ARB2A: variants seen among roughly 807,000 people sequenced by gnomAD.
ARB2A encodes the protein cotranscriptional regulator ARB2A.
the ARB2A span, chr5:94,053,331 T>TA: frequency 2.2e-5 from 14 of 640,776 alleles, no homozygotes; most frequent in African/African-American, 2.6e-4. Flanking sequence ...TATTAATTTT[T>TA]ATGTGTTGCT....
At chr5:94,009,966 T>A in the ARB2A span, among the ~76,000 whole-genome samples, 12 of 151,988 alleles carry the variant, frequency 7.9e-5, no homozygotes, top group African/African-American at 2.6e-4. Context: ...GCTTTATCAA[T>A]TTTACTGATA....
At chr5:93,798,365 C>T in the ARB2A span, among the ~76,000 whole-genome samples, 1 of 152,098 alleles carries the variant, frequency 6.6e-6, no homozygotes, top group Non-Finnish European at 1.5e-5. Context: ...GCTGAATTTT[C>T]CAGTAATTCA....
chr5:93,984,340 C>T, the ARB2A span, among the ~76,000 whole-genome samples: 1 of 152,248 alleles, frequency 6.6e-6, no homozygotes, highest in African/African-American at 2.4e-5. Context: ...GACATTGCAT[C>T]TTTAGCCACA....
At chr5:94,028,123 T>G in the ARB2A span, among the ~76,000 whole-genome samples, 1 of 152,238 alleles carries the variant, frequency 6.6e-6, no homozygotes, top group Non-Finnish European at 1.5e-5. Context: ...CTTATTTTAT[T>G]GCAAGCTGTA....
chr5:94,043,765 A>C, the ARB2A span, among the ~76,000 whole-genome samples: 1 of 152,334 alleles, frequency 6.6e-6, no homozygotes, highest in African/African-American at 2.4e-5. Flanking sequence ...TGAGGGTACA[A>C]ATCCATGGCT....
the ARB2A span, among the ~76,000 whole-genome samples, chr5:93,742,480 C>T: frequency 6.6e-6 from 1 of 152,168 alleles, no homozygotes. Flanking sequence ...CCATCATGCC[C>T]CTAGCTCAGG....
At chr5:93,875,971 T>C in the ARB2A span, among the ~76,000 whole-genome samples, 2 of 152,206 alleles carry the variant, frequency 1.3e-5, no homozygotes, top group Non-Finnish European at 2.9e-5. Context: ...TGTACATATT[T>C]AGCCATTTGA....
chr5:93,682,822 G>A, the ARB2A span: 6 of 1,268,044 alleles, frequency 4.7e-6, no homozygotes, highest in Non-Finnish European at 5.7e-6. Context: ...TTAACAAATT[G>A]TTTAAACTAT....
At chr5:93,959,355 C>A in the ARB2A span, among the ~76,000 whole-genome samples, 2 of 151,946 alleles carry the variant, frequency 1.3e-5, no homozygotes, top group East Asian at 3.9e-4. Context: ...TTAGGTGGTA[C>A]TATTATTATA....
chr5:93,633,682 G>A, the ARB2A span, among the ~76,000 whole-genome samples: 2 of 152,010 alleles, frequency 1.3e-5, no homozygotes, highest in Non-Finnish European at 2.9e-5. Context: ...AAAGCAAATC[G>A]CAAGGAATAC....
the ARB2A span, chr5:94,074,834 T>C: frequency 9.4e-7 from 1 of 1,060,516 alleles, no homozygotes; most frequent in Non-Finnish European, 1.4e-6. Flanking sequence ...GAGAACTTCC[T>C]TGATCCTCCC....
the ARB2A span, chr5:93,737,686 C>T: frequency 8.4e-6 from 2 of 238,230 alleles, no homozygotes; most frequent in Non-Finnish European, 1.7e-5. Context: ...TAATCCCTCA[C>T]ATGTGTGGTC....
At chr5:94,058,850 G>A in the ARB2A span, among the ~76,000 whole-genome samples, 1 of 152,132 alleles carries the variant, frequency 6.6e-6, no homozygotes, top group Non-Finnish European at 1.5e-5. Flanking sequence ...CCTAGTGGGA[G>A]GTGTTTGGGT....
the ARB2A span, among the ~76,000 whole-genome samples, chr5:94,045,388 T>C: frequency 1.3e-5 from 2 of 152,106 alleles, no homozygotes; most frequent in Admixed American, 1.3e-4. Context: ...TCTCTTGGGG[T>C]CTCGATCAGG....
At chr5:93,828,079 T>C in the ARB2A span, among the ~76,000 whole-genome samples, 3 of 152,124 alleles carry the variant, frequency 2.0e-5, no homozygotes, top group African/African-American at 7.2e-5. Flanking sequence ...TGTGGGCTCT[T>C]TTTTGGTTCC....
chr5:93,722,827 T>C, the ARB2A span, among the ~76,000 whole-genome samples: 1 of 151,972 alleles, frequency 6.6e-6, no homozygotes, highest in East Asian at 1.9e-4. Flanking sequence ...TTTGAAGAAG[T>C]AGCCCATAAA....
At chr5:93,912,375 T>C in the ARB2A span, among the ~76,000 whole-genome samples, 4 of 151,868 alleles carry the variant, frequency 2.6e-5, no homozygotes, top group African/African-American at 2.4e-5. Context: ...TAATTTGGAT[T>C]TTGAAAACTG....
chr5:93,673,990 A>G, the ARB2A span, among the ~76,000 whole-genome samples: 1 of 152,226 alleles, frequency 6.6e-6, no homozygotes, highest in Non-Finnish European at 1.5e-5. Flanking sequence ...TAATGCCAAA[A>G]TACTCTCAGA....
chr5:93,690,174 C>T, the ARB2A span, among the ~76,000 whole-genome samples: 1 of 152,126 alleles, frequency 6.6e-6, no homozygotes, highest in African/African-American at 2.4e-5. Flanking sequence ...TTTCATACCC[C>T]AGTGGCACCT....
Sources: allele counts gnomAD v4.1 joint callset (sites outside exome capture counted in the v4.1 genomes callset), GRCh38; gene constraint gnomAD v4.1.1; transcripts MANE v1.5; gene names NCBI Gene and HGNC (gene_info 2026-07-23, HGNC 2026-07-21).